Variants in ISOC2 observed in about 807,000 individuals in gnomAD.
ISOC2 encodes the protein isochorismatase domain-containing protein 2.
Under a neutral mutation model 19.3 loss-of-function variants are expected in ISOC2, and 15 were observed. The observed-to-expected ratio is 0.78, with a 90% CI of 0.52 to 1.20. ISOC2 has a LOEUF of 1.20. ISOC2 is among the 50% of genes most tolerant of loss of function. ISOC2 has a pLI of 0.00. For synonymous variants in ISOC2, 106 were observed against 115.8 expected (o/e 0.92, Z 0.54); for missense variants, 285 against 272.4 (o/e 1.05, Z -0.33).
Position 55,456,478 on chromosome 19 carries a change from A to C in ISOC2, c.9T>G (p.Ala3=). 1 of 1,613,150 alleles carries C rather than the reference A, an allele frequency of 6.2e-7. No homozygotes were observed. The highest frequency in any genetic ancestry group is 1.1e-5 in the South Asian group (1 of 91,080). MA[A]ARPSLGRVLP... is the part of the protein sequence containing the mutation. ...GGACTCGGCCCAGGCTGGGCCTGGC[A>C]GCCGCCATTTTCTGGGGGTGGGCAG... The change falls in exon 2 of 6, where the codon GCT becomes GCG. Residue 3 remains alanine (A), a synonymous_variant. Transcript: ENST00000425675.
At chr19:55,454,774 G>GC (rs36072109) in intron 5 of ISOC2, 106,550 of 572,842 alleles carry the variant, frequency 0.19, 10,301 homozygotes, top group Admixed American at 0.26. Flanking sequence ...CCTCTGGATT[G>GC]CCTCCCCCAT....
In ISOC2 at chr19:55,455,692, G is replaced by A. The variant is rs554887150; in HGVS notation, c.292C>T (p.Arg98Trp). 5.6e-6 allele frequency: 9 copies of A among 1,610,746 alleles called. No individual in the cohort carries two copies. Among genetic ancestry groups the A allele is most frequent in the African/African-American group, 2.7e-5 (2 of 75,014 alleles). Reference sequence around the variant, plus strand: ...AGCAGCACAGAGCGCAGCTGGGGCCGACTGTCCAGCTCCTGCTGCAGGGCA... The same window carrying A: ...AGCAGCACAGAGCGCAGCTGGGGCCAACTGTCCAGCTCCTGCTGCAGGGCA... ...VPALQQELDS[R>W]PQLRSVLLCG... Residue 98 changes from arginine to tryptophan, a missense_variant, in exon 3 of 6, where the codon CGG (arginine) becomes TGG (tryptophan). Physicochemically the swap from Arg to Trp is moderately radical, Grantham distance 101. Transcript: ENST00000425675.
At chr19:55,460,655 C>T (rs966802761) in intron 1 of ISOC2, among the ~76,000 whole-genome samples, 1 of 152,242 alleles carries the variant, frequency 6.6e-6, no homozygotes, top group African/African-American at 2.4e-5. Context: ...TGACTTTTTT[C>T]TTTGGATACT....
Position 55,455,803 on chromosome 19 carries a change from A to C in ISOC2, c.181T>G (p.Tyr61Asp). ...ACCGTGGGGCCCAGGCCTTGTGGGT[A>C]CTGCTCCGTCAGCATGACTGGCACC... Reference protein sequence around the residue: ...LEVPVMLTEQYPQGLGPTVPE... With the variant: ...LEVPVMLTEQDPQGLGPTVPE... Residue 61 changes from tyrosine (Y) to aspartate (D), a missense_variant, in exon 3 of 6, where the codon TAC becomes GAC. Tyr to Asp is a radical substitution (Grantham distance 160). Transcript: ENST00000425675. The C allele has an allele frequency of 6.4e-7, 1 of 1,558,428 alleles. No homozygotes were observed. The highest frequency in any genetic ancestry group is 8.7e-7 in the Non-Finnish European group (1 of 1,151,104).
rs534758330 is a variant in ISOC2 at position 55,453,405 on chromosome 19, C to T, written c.538-17G>A. On this transcript the variant is annotated splice_polypyrimidine_tract_variant and intron_variant, in intron 5 of 5. Transcript: ENST00000425675. Reference sequence around the variant, plus strand: ...TTTCTGGATCTGTAAGGGCAGGGGGCGATGGGTCAGGAAGCGTCTAGGGTC... The same window carrying T: ...TTTCTGGATCTGTAAGGGCAGGGGGTGATGGGTCAGGAAGCGTCTAGGGTC... 13 of 1,579,504 alleles carry T rather than the reference C, an allele frequency of 8.2e-6. No individual in the cohort carries two copies. Among genetic ancestry groups the T allele is most frequent in the African/African-American group, 1.4e-5 (1 of 73,660 alleles).
Position 55,453,240 on chromosome 19 carries a change from G to T in ISOC2, c.*68C>A. The T allele has an allele frequency of 8.6e-7, 1 of 1,169,210 alleles. No individual in the cohort carries two copies. Among genetic ancestry groups the T allele is most frequent in the Non-Finnish European group, 1.2e-6 (1 of 820,838 alleles). The allele number at this position is 1,169,210 out of a possible 1,614,324, so 72.4% of individuals were successfully genotyped here. ...GCACCACTCTTGGGATCCAGGGATG[G>T]GGGGAACGGGCTTCCACTGAGGTCC... is the stretch of plus-strand genomic sequence containing the variant. On this transcript the variant is annotated 3_prime_UTR_variant, in exon 6 of 6. Transcript: ENST00000425675.
intron 5 of ISOC2, 177 bp downstream of exon 5, chr19:55,454,812 C>G (rs1200052684): frequency 1.6e-6 from 1 of 627,090 alleles, no homozygotes; most frequent in South Asian, 1.8e-5. Flanking sequence ...CCCTTATGGT[C>G]CATCTGTGGG....
intron 5 of ISOC2, 40 bp from the exon 6 acceptor site, chr19:55,453,428 G>T: frequency 7.0e-7 from 1 of 1,427,940 alleles, no homozygotes; most frequent in South Asian, 1.3e-5. Context: ...AGCGTCTAGG[G>T]TCCCGATCTC....
At position 55,458,291 on chromosome 19, in the gene ISOC2, C is replaced by T. The variant is rs116354676; in HGVS notation, c.-3-1802G>A. Among the ~76,000 whole-genome samples the T allele has an allele frequency of 2.1e-3, 314 of 152,292 alleles. 1 individual carries two copies. Among genetic ancestry groups the T allele is most frequent in the African/African-American group, 7.3e-3 (305 of 41,566 alleles). ...CCCTGAATCAGCACGTCTTGGCCTA[C>T]GTCCCTGGGAGGCTTGTGCTTTTGG... On this transcript the variant is annotated intron_variant, in intron 1 of 5. Coordinates refer to ENST00000425675, the MANE Select transcript of ISOC2 (RefSeq NM_001136201.2).
At position 55,456,463 on chromosome 19, in the gene ISOC2, C is replaced by T; in HGVS notation, c.24G>A (p.Leu8=). 3 of 1,613,022 alleles carry T rather than the reference C, an allele frequency of 1.9e-6. No homozygotes were observed. The highest frequency in any genetic ancestry group is 2.5e-6 in the Non-Finnish European group (3 of 1,179,488). Residue 8 remains leucine (L), a synonymous_variant, in exon 2 of 6, where the codon CTG becomes CTA. Coordinates refer to ENST00000425675, the MANE Select transcript of ISOC2 (RefSeq NM_001136201.2). MAAARPS[L]GRVLPGSSVL... Reference sequence around the variant, plus strand: ...CAGAGGATCCTGGGAGGACTCGGCCCAGGCTGGGCCTGGCAGCCGCCATTT... The same window carrying T: ...CAGAGGATCCTGGGAGGACTCGGCCTAGGCTGGGCCTGGCAGCCGCCATTT...
At chr19:55,461,393 G>A (rs935216828) in intron 1 of ISOC2, 119 bp downstream of exon 1, 1 of 152,304 alleles carries the variant, frequency 6.6e-6, no homozygotes, top group African/African-American at 2.4e-5. Flanking sequence ...GGGCCAGGTG[G>A]AGTCCTCCTT....
At position 55,455,043 on chromosome 19, in the gene ISOC2, G is replaced by A. The variant is rs781757125; in HGVS notation, c.483C>T (p.Ser161=). ...CCACAAGCTGCAGAATGAGCCCTTC[G>A]CTGGTGGAGAGGAAGGCACCACTCT... ...MRQSGAFLST[S]EGLILQLVGD... The change falls in exon 5 of 6, where the codon AGC becomes AGT. Residue 161 remains serine (S), a synonymous_variant. Transcript: ENST00000425675. 28 of 1,613,628 alleles carry A rather than the reference G, an allele frequency of 1.7e-5. No individual in the cohort carries two copies. The highest frequency in any genetic ancestry group is 5.0e-5 in the Admixed American group (3 of 60,018).
At chr19:55,453,644 G>T in intron 5 of ISOC2, 1 of 321,526 alleles carries the variant, frequency 3.1e-6, no homozygotes, top group Non-Finnish European at 5.6e-6. Flanking sequence ...TCTGTGCTGG[G>T]GCTTCCTGTC....
At chr19:55,455,920 AGG>A (rs1986041956) in intron 2 of ISOC2, 75 bp from the exon 3 acceptor site, 1 of 1,268,552 alleles carries the variant, frequency 7.9e-7, no homozygotes, top group African/African-American at 1.7e-5. Flanking sequence ...GGTCTGAGGG[AGG>A]AGGGGCTGGG....
intron 1 of ISOC2, among the ~76,000 whole-genome samples, chr19:55,459,177 A>T (rs1204089878): frequency 1.3e-5 from 2 of 150,002 alleles, no homozygotes; most frequent in Non-Finnish European, 3.0e-5. Context: ...GTTCAAGCGA[A>T]CCTCCCGCCT....
intron 5 of ISOC2, chr19:55,453,752 A>G (rs555288342): frequency 1.1e-4 from 18 of 165,846 alleles, no homozygotes; most frequent in Middle Eastern, 2.6e-3. Flanking sequence ...AACTCGACTC[A>G]TCTATCTAAC....
intron 1 of ISOC2, among the ~76,000 whole-genome samples, chr19:55,461,297 T>C (rs1438924733): frequency 6.6e-6 from 1 of 152,112 alleles, no homozygotes; most frequent in Non-Finnish European, 1.5e-5. Context: ...AAATGGGGAT[T>C]AAACCTGCCC....
Position 55,455,069 on chromosome 19 carries a change from G to A in ISOC2, c.457C>T (p.Gln153Ter). Residue 153 changes from glutamine to a stop codon, truncating the protein, a stop_gained, in exon 5 of 6, where the codon CAG (glutamine) becomes TAG (stop). Transcript: ENST00000425675. LOFTEE classifies it high-confidence loss of function. ...DRLVALARMR[Q>*]SGAFLSTSEG... ...CTGGTGGAGAGGAAGGCACCACTCT[G>A]TCTCATGCGGGCCAGAGCCACCAGC... 6.2e-7 allele frequency: 1 copy of A among 1,612,244 alleles called. No individual in the cohort carries two copies. Among genetic ancestry groups the A allele is most frequent in the Middle Eastern group, 1.7e-4 (1 of 6,058 alleles).
rs368888479 is a variant in ISOC2 at position 55,454,695 on chromosome 19, T to C, written c.537+294A>G. ...CCTGGTCACTCCCTCCTTCAGTTCA[T>C]TCTAAAGTCACCTGCTCCAGGATGC... On this transcript the variant is annotated intron_variant, in intron 5 of 5. Transcript: ENST00000425675. 85 of 448,610 alleles carry C rather than the reference T, an allele frequency of 1.9e-4. 1 individual carries two copies. In the South Asian group the frequency reaches 2.1e-3, roughly 11 times the overall value. The allele number at this position is 448,610 out of a possible 1,614,324, so 27.8% of individuals were successfully genotyped here.
Sources: allele counts gnomAD v4.1 joint callset (sites outside exome capture counted in the v4.1 genomes callset), GRCh38; gene constraint gnomAD v4.1.1; transcripts MANE v1.5; gene names NCBI Gene and HGNC (gene_info 2026-07-23, HGNC 2026-07-21).